Variants in KAZN observed in about 807,000 individuals in gnomAD.
KAZN encodes the protein kazrin, periplakin interacting protein.
In KAZN, 40 loss-of-function variants were observed where a neutral mutation model predicts 87.4. That is an observed-to-expected ratio of 0.46 (90% CI 0.36 to 0.60). The LOEUF (loss-of-function observed/expected upper bound fraction) is 0.60, where lower values mean the gene tolerates loss of function less well. Ranked by LOEUF, KAZN falls within the 20% of genes least tolerant of loss-of-function variation. The pLI, the probability that KAZN is intolerant of heterozygous loss-of-function variation, is 0.00. For synonymous variants in KAZN, 466 were observed against 458.3 expected, an observed-to-expected ratio of 1.02 and a Z score of -0.22; for missense variants, 898 against 1,073.9, an observed-to-expected ratio of 0.84 and a Z score of 2.29.
chr1:14,359,513 G>T (rs908445688), intron 2 of KAZN, among the ~76,000 whole-genome samples: 1 of 152,112 alleles, frequency 6.6e-6, no homozygotes, highest in Non-Finnish European at 1.5e-5. Context: ...ATTAGTTGAT[G>T]CAGTTTCTTC....
At chr1:14,547,854 G>T (rs1409903572) in intron 2 of KAZN, among the ~76,000 whole-genome samples, 2 of 152,074 alleles carry the variant, frequency 1.3e-5, no homozygotes, top group Admixed American at 1.3e-4. Flanking sequence ...CTCCCAAAGT[G>T]CTGGGATAAC....
intron 1 of KAZN, among the ~76,000 whole-genome samples, chr1:14,926,681 C>A (rs556891110): frequency 1.3e-5 from 2 of 152,306 alleles, no homozygotes; most frequent in East Asian, 3.9e-4. Context: ...TCGGCTGTTA[C>A]AAGGGGCTTT....
intron 2 of KAZN, among the ~76,000 whole-genome samples, chr1:14,577,031 A>C (rs187224646): frequency 7.6e-4 from 116 of 152,342 alleles, no homozygotes; most frequent in Non-Finnish European, 8.4e-4. Flanking sequence ...AGACGCAGCT[A>C]CTGGTGCTAC....
intron 1 of KAZN, among the ~76,000 whole-genome samples, chr1:14,937,263 A>G (rs1660565537): frequency 6.6e-6 from 1 of 152,200 alleles, no homozygotes; most frequent in African/African-American, 2.4e-5. Context: ...AGCCTTCATC[A>G]TAGACCCTGC....
At chr1:14,540,883 T>TAG (rs988724977) in intron 2 of KAZN, among the ~76,000 whole-genome samples, 1 of 152,178 alleles carries the variant, frequency 6.6e-6, no homozygotes, top group African/African-American at 2.4e-5. Flanking sequence ...CATATCTCCA[T>TAG]AGAGAGAGAT....
chr1:14,547,144 C>T (rs114496039), intron 2 of KAZN, among the ~76,000 whole-genome samples: 156 of 152,296 alleles, frequency 1.0e-3, no homozygotes, highest in African/African-American at 3.6e-3. Context: ...ACCAAAATGT[C>T]AATAGGTCTC....
chr1:14,965,711 C>T (rs906278133), intron 2 of KAZN, among the ~76,000 whole-genome samples: 1 of 152,100 alleles, frequency 6.6e-6, no homozygotes, highest in Admixed American at 6.5e-5. Flanking sequence ...CATTATATAA[C>T]ACTGTCTTAA....
intron 2 of KAZN, among the ~76,000 whole-genome samples, chr1:14,969,550 A>G (rs537666739): frequency 4.9e-4 from 74 of 152,362 alleles, no homozygotes; most frequent in African/African-American, 1.7e-3. Context: ...GTTTAACTCT[A>G]CAGACAGAAT....
intron 1 of KAZN, among the ~76,000 whole-genome samples, chr1:14,613,645 G>A (rs1323252972): frequency 3.3e-5 from 5 of 152,218 alleles, no homozygotes; most frequent in Admixed American, 3.3e-4. Context: ...GCATATATTT[G>A]AAAACTAATG....
chr1:13,914,115 A>G (rs1019226379), intron 1 of KAZN, among the ~76,000 whole-genome samples: 1 of 152,248 alleles, frequency 6.6e-6, no homozygotes, highest in Non-Finnish European at 1.5e-5. Context: ...TTTCAAGCTC[A>G]TAGGGATGGA....
chr1:14,867,456 C>T (rs1651596069), intron 1 of KAZN, among the ~76,000 whole-genome samples: 1 of 152,270 alleles, frequency 6.6e-6, no homozygotes. Flanking sequence ...CCGTTGGGTT[C>T]AGGGATGGTG....
intron 2 of KAZN, among the ~76,000 whole-genome samples, chr1:14,561,982 A>G (rs1463593526): frequency 6.6e-6 from 1 of 152,052 alleles, no homozygotes; most frequent in Non-Finnish European, 1.5e-5. Flanking sequence ...CCCAGAGAGA[A>G]GGCCTTTGAA....
chr1:13,982,130 C>G (rs193140395), intron 1 of KAZN, among the ~76,000 whole-genome samples: 1 of 152,188 alleles, frequency 6.6e-6, no homozygotes, highest in Non-Finnish European at 1.5e-5. Flanking sequence ...TCCAGTCCGG[C>G]CAGGGCCTGA....
Position 14,697,159 on chromosome 1 carries a change from A to AAAAG in KAZN, c.226+97940_226+97943dup, listed in dbSNP as rs1553212151. 1.9e-3 allele frequency among the ~76,000 whole-genome samples: 262 copies of AAAAG among 134,932 alleles called. 1 individual carries two copies. Among genetic ancestry groups the AAAAG allele is most frequent in the Middle Eastern group, 0.019 (5 of 262 alleles). 88.5% of individuals were successfully genotyped at this position (134,932 alleles called of 152,430 possible). ...AACCAACAAAAAAAAAAAAAAAAAG[A>AAAAG]AAAGAAAAGAAAAGAAATAATTGAC... On this transcript the variant is annotated intron_variant, in intron 1 of 14. Coordinates refer to ENST00000376030, the MANE Select transcript of KAZN (RefSeq NM_201628.3).
chr1:14,437,261 C>G (rs527252625), intron 2 of KAZN, among the ~76,000 whole-genome samples: 1 of 152,304 alleles, frequency 6.6e-6, no homozygotes, highest in East Asian at 1.9e-4. Flanking sequence ...CATCCCACAG[C>G]TGGGGGCTCC....
At chr1:14,664,543 A>C (rs1639397223) in intron 1 of KAZN, among the ~76,000 whole-genome samples, 1 of 152,224 alleles carries the variant, frequency 6.6e-6, no homozygotes, top group Non-Finnish European at 1.5e-5. Flanking sequence ...ATTATGCATC[A>C]GAATCTTCTA....
intron 1 of KAZN, among the ~76,000 whole-genome samples, chr1:14,075,662 G>GT (rs1169134853): frequency 1.3e-5 from 2 of 152,166 alleles, no homozygotes; most frequent in Admixed American, 6.5e-5. Flanking sequence ...AAAAATGATT[G>GT]TTTTTGCTCT....
At chr1:14,874,470 C>A (rs865824190) in intron 1 of KAZN, among the ~76,000 whole-genome samples, 2 of 147,976 alleles carry the variant, frequency 1.4e-5, no homozygotes, top group Non-Finnish European at 1.5e-5. Context: ...AGCTGGCTGA[C>A]TGGATGGATG....
At chr1:14,509,458 G>C (rs529571971) in intron 2 of KAZN, among the ~76,000 whole-genome samples, 8 of 152,296 alleles carry the variant, frequency 5.3e-5, no homozygotes, top group African/African-American at 1.9e-4. Flanking sequence ...TCACCAAATG[G>C]GTGAAACTGC....
Sources: allele counts gnomAD v4.1 joint callset (sites outside exome capture counted in the v4.1 genomes callset), GRCh38; gene constraint gnomAD v4.1.1; transcripts MANE v1.5; gene names NCBI Gene and HGNC (gene_info 2026-07-23, HGNC 2026-07-21).